The following GRIK2 variants were observed in gnomAD, a reference collection of about 807,000 sequenced individuals.
GRIK2 encodes glutamate receptor ionotropic, kainate 2.
GRIK2 carries 32 observed loss-of-function variants against 100.3 expected under a neutral mutation model. The observed-to-expected ratio is 0.32, with a 90% confidence interval of 0.24 to 0.43. The LOEUF (loss-of-function observed/expected upper bound fraction) is 0.43. Ranked by LOEUF, GRIK2 falls within the 20% of genes least tolerant of loss-of-function variation. GRIK2 has a pLI of 1.00. For missense variants in GRIK2, 843 were observed against 1,114.9 expected (o/e 0.76, Z 3.47); for synonymous variants, 417 against 389.4 (o/e 1.07, Z -0.83).
chr6:101,679,712 C>A (rs548534993), intron 5 of GRIK2, among the ~76,000 whole-genome samples: 2 of 152,064 alleles, frequency 1.3e-5, no homozygotes, highest in East Asian at 3.9e-4. Flanking sequence ...GGTACTTAAT[C>A]AAAAATAACT....
At chr6:101,537,945 T>C (rs1345942343) in intron 2 of GRIK2, among the ~76,000 whole-genome samples, 1 of 151,724 alleles carries the variant, frequency 6.6e-6, no homozygotes, top group Non-Finnish European at 1.5e-5. Context: ...TTCCGAAATA[T>C]GATGGAGATG....
At chr6:101,420,850 C>T (rs190745046) in intron 2 of GRIK2, among the ~76,000 whole-genome samples, 148 of 152,078 alleles carry the variant, frequency 9.7e-4, no homozygotes, top group South Asian at 6.2e-3. Flanking sequence ...AGGTCTCTAC[C>T]AAAAGAATGA....
chr6:102,049,120 G>A (rs945998512), intron 15 of GRIK2, among the ~76,000 whole-genome samples: 12 of 151,984 alleles, frequency 7.9e-5, no homozygotes, highest in Admixed American at 7.9e-4. Flanking sequence ...AGACTTCAAA[G>A]CCAGTTGTGG....
At chr6:102,055,726 A>C in intron 16 of GRIK2, 146 bp downstream of exon 16, 1 of 562,254 alleles carries the variant, frequency 1.8e-6, no homozygotes, top group Non-Finnish European at 3.1e-6. Flanking sequence ...TTACATAACA[A>C]AATATTATAT....
At chr6:101,715,329 G>A (rs1447831274) in intron 7 of GRIK2, among the ~76,000 whole-genome samples, 3 of 151,856 alleles carry the variant, frequency 2.0e-5, no homozygotes, top group East Asian at 3.9e-4. Flanking sequence ...TACAGGACAT[G>A]ATAGGGACAG....
intron 7 of GRIK2, among the ~76,000 whole-genome samples, chr6:101,760,833 A>C (rs1362277811): frequency 6.7e-6 from 1 of 148,588 alleles, no homozygotes; most frequent in East Asian, 2.0e-4. Context: ...TTGCTTATCA[A>C]GTACAATCTA....
At chr6:101,539,948 C>G (rs897322184) in intron 2 of GRIK2, among the ~76,000 whole-genome samples, 1 of 151,722 alleles carries the variant, frequency 6.6e-6, no homozygotes, top group Non-Finnish European at 1.5e-5. Flanking sequence ...TAAGATTCAT[C>G]GATTCATATT....
At chr6:101,521,123 A>G (rs990180060) in intron 2 of GRIK2, among the ~76,000 whole-genome samples, 3 of 152,058 alleles carry the variant, frequency 2.0e-5, no homozygotes, top group Non-Finnish European at 2.9e-5. Context: ...GTTTGTAACC[A>G]TTTTCTATAG....
intron 2 of GRIK2, among the ~76,000 whole-genome samples, chr6:101,443,406 A>C (rs946972109): frequency 6.6e-6 from 1 of 152,170 alleles, no homozygotes; most frequent in African/African-American, 2.4e-5. Context: ...AAAAATACCT[A>C]GTGATTGATA....
At chr6:101,419,141 T>TC (rs1776292314) in intron 2 of GRIK2, among the ~76,000 whole-genome samples, 4 of 152,180 alleles carry the variant, frequency 2.6e-5, no homozygotes, top group Non-Finnish European at 1.5e-5. Flanking sequence ...TTTTCTTTTT[T>TC]CTCAACTGAG....
chr6:101,835,772 TTCTTTTATG>T (rs2128430769), intron 10 of GRIK2, among the ~76,000 whole-genome samples: 1 of 147,490 alleles, frequency 6.8e-6, no homozygotes, highest in Admixed American at 7.0e-5. Flanking sequence ...GCCTATGAGT[TTCTTTTATG>T]TCTTTGGAAG....
intron 14 of GRIK2, among the ~76,000 whole-genome samples, chr6:101,991,244 CATAA>C (rs1225513157): frequency 6.6e-6 from 1 of 150,704 alleles, no homozygotes; most frequent in Non-Finnish European, 1.5e-5. Context: ...ATAGCTTACA[CATAA>C]ATTATTTTTT....
At chr6:101,501,611 T>G (rs1773748129) in intron 2 of GRIK2, among the ~76,000 whole-genome samples, 1 of 152,222 alleles carries the variant, frequency 6.6e-6, no homozygotes, top group Non-Finnish European at 1.5e-5. Context: ...CTACAGGTTC[T>G]GCATCTGGCT....
chr6:101,792,447 T>C (rs1388970695), intron 7 of GRIK2, among the ~76,000 whole-genome samples: 3 of 151,744 alleles, frequency 2.0e-5, no homozygotes, highest in Admixed American at 2.0e-4. Flanking sequence ...TAAAGTATTT[T>C]ATTTCTCCTT....
chr6:102,030,382 C>T (rs944913268), intron 14 of GRIK2, among the ~76,000 whole-genome samples: 2 of 151,150 alleles, frequency 1.3e-5, no homozygotes, highest in Non-Finnish European at 3.0e-5. Context: ...TCTGGATCTG[C>T]TCATCTTCAG....
chr6:102,030,959 G>C (rs922765786), intron 14 of GRIK2, among the ~76,000 whole-genome samples: 2 of 150,866 alleles, frequency 1.3e-5, no homozygotes, highest in Non-Finnish European at 3.0e-5. Flanking sequence ...CCTAAAATTT[G>C]ATCTTCTTTC....
chr6:102,013,930 G>A (rs1795689040), intron 14 of GRIK2, among the ~76,000 whole-genome samples: 1 of 152,008 alleles, frequency 6.6e-6, no homozygotes, highest in African/African-American at 2.4e-5. Flanking sequence ...GTATCAGAAT[G>A]ATGTCAGCCT....
At chr6:102,048,658 C>T (rs1771022787) in intron 15 of GRIK2, among the ~76,000 whole-genome samples, 1 of 152,040 alleles carries the variant, frequency 6.6e-6, no homozygotes, top group South Asian at 2.1e-4. Context: ...CATATCACCT[C>T]ACACTAGTTA....
At position 101,890,658 on chromosome 6, in the gene GRIK2, A is replaced by C. The variant is rs543091955; in HGVS notation, c.1748+795A>C. On this transcript the variant is annotated intron_variant, in intron 12 of 16. Transcript: ENST00000369134. The stretch of plus-strand genomic sequence containing the variant: ...CCTTTAAAATCTGTGATACAGATCA[A>C]TCTATGTTGATGGTATTACTTTATT... Among the ~76,000 whole-genome samples, 10 of 152,144 alleles carry C rather than the reference A, an allele frequency of 6.6e-5. 2 individuals are homozygous for C. The highest frequency in any genetic ancestry group is 2.4e-4 in the African/African-American group (10 of 41,548).
Sources: allele counts gnomAD v4.1 joint callset (sites outside exome capture counted in the v4.1 genomes callset), GRCh38; gene constraint gnomAD v4.1.1; transcripts MANE v1.5; gene names NCBI Gene and HGNC (gene_info 2026-07-23, HGNC 2026-07-21).